The following ADAM2 variants were observed in gnomAD, a reference collection of about 807,000 sequenced individuals.
ADAM2 encodes disintegrin and metalloproteinase domain-containing protein 2.
In ADAM2, 101 loss-of-function variants were observed where a neutral mutation model predicts 99.3. That is an observed-to-expected ratio of 1.02 (90% CI 0.87 to 1.20). The LOEUF (loss-of-function observed/expected upper bound fraction) is 1.20, where lower values mean the gene tolerates loss of function less well. ADAM2 is among the 50% of genes most tolerant of loss of function. The pLI is 0.00. For synonymous variants in ADAM2, 323 were observed against 287.6 expected (o/e 1.12, Z -1.25); for missense variants, 948 against 878.7 (o/e 1.08, Z -1.00).
chr8:39,806,363 A>G (rs910046439), intron 7 of ADAM2, among the ~76,000 whole-genome samples: 2 of 151,934 alleles, frequency 1.3e-5, no homozygotes, highest in Non-Finnish European at 2.9e-5. Context: ...CAACAGAAGA[A>G]TAGAAACAAC....
chr8:39,771,193 A>G (rs2129584345), intron 11 of ADAM2, among the ~76,000 whole-genome samples: 1 of 152,316 alleles, frequency 6.6e-6, no homozygotes, highest in East Asian at 1.9e-4. Context: ...CTCTGCCTGG[A>G]AAACTATTCC....
intron 15 of ADAM2, among the ~76,000 whole-genome samples, chr8:39,757,104 G>A (rs183560585): frequency 1.3e-5 from 2 of 151,982 alleles, no homozygotes. Context: ...TACAGCAAAG[G>A]TCTATTTCCT....
intron 3 of ADAM2, among the ~76,000 whole-genome samples, chr8:39,832,879 C>T (rs1805673852): frequency 6.6e-6 from 1 of 151,938 alleles, no homozygotes; most frequent in Non-Finnish European, 1.5e-5. Context: ...ATTACATCAC[C>T]ATAAATTGTA....
chr8:39,786,168 G>A (rs1467667776), intron 10 of ADAM2, among the ~76,000 whole-genome samples: 1 of 152,174 alleles, frequency 6.6e-6, no homozygotes, highest in East Asian at 1.9e-4. Context: ...GGTGGAGGAA[G>A]GGTTGAAAAA....
intron 15 of ADAM2, among the ~76,000 whole-genome samples, chr8:39,760,156 C>G (rs1378943674): frequency 6.6e-6 from 1 of 152,024 alleles, no homozygotes; most frequent in Non-Finnish European, 1.5e-5. Context: ...TATGAGCTAC[C>G]CCGCCCGGTC....
At chr8:39,816,483 T>C (rs1379053381) in intron 6 of ADAM2, among the ~76,000 whole-genome samples, 3 of 152,130 alleles carry the variant, frequency 2.0e-5, no homozygotes, top group African/African-American at 7.2e-5. Flanking sequence ...AATAAAAACA[T>C]ATATCCACAT....
At chr8:39,786,438 T>C (rs1473749911) in intron 10 of ADAM2, among the ~76,000 whole-genome samples, 2 of 152,126 alleles carry the variant, frequency 1.3e-5, no homozygotes, top group African/African-American at 2.4e-5. Flanking sequence ...GCAAGTTCTG[T>C]TTGTCAGAAT....
rs114877318 is a variant in ADAM2 at position 39,818,695 on chromosome 8, A to G, written c.513+2307T>C. On this transcript the variant is annotated intron_variant, in intron 6 of 20. Transcript: ENST00000265708. ...AAAAAGTCGTGGAGTTCAATAGAGA[A>G]CTAATAAACAAGTTTGTCAAGTTCA... 2.6e-3 allele frequency among the ~76,000 whole-genome samples: 403 copies of G among 152,172 alleles called. 1 individual carries two copies. The highest frequency in any genetic ancestry group is 9.3e-3 in the African/African-American group (385 of 41,576).
At chr8:39,824,919 G>A in intron 3 of ADAM2, 22 bp from the exon 4 acceptor site, 2 of 1,065,552 alleles carry the variant, frequency 1.9e-6, no homozygotes, top group African/African-American at 1.6e-5. Context: ...AGATAAAATG[G>A]AAAAATTTGA....
At chr8:39,784,975 G>A (rs894273316) in intron 10 of ADAM2, among the ~76,000 whole-genome samples, 4 of 152,054 alleles carry the variant, frequency 2.6e-5, no homozygotes, top group African/African-American at 9.7e-5. Context: ...TGTATAGTTT[G>A]TGCATATTTT....
intron 7 of ADAM2, among the ~76,000 whole-genome samples, chr8:39,798,388 C>T (rs1178845341): frequency 1.3e-5 from 2 of 152,146 alleles, no homozygotes; most frequent in Non-Finnish European, 2.9e-5. Context: ...AGGGATGAAG[C>T]TGGCTTGATT....
chr8:39,838,206 A>T lies in ADAM2; in HGVS notation c.-21T>A, dbSNP rs745646083. 5.0e-6 allele frequency: 8 copies of T among 1,613,996 alleles called. No individual in the cohort carries two copies. The highest frequency in any genetic ancestry group is 5.9e-6 in the Non-Finnish European group (7 of 1,179,998). ...CACATGGCTTGAAGTCCTGGGTCCC[A>T]GCCGGAATAATGGCAGTTGGTGGTT... On this transcript the variant is annotated 5_prime_UTR_variant, in exon 1 of 21. Transcript: ENST00000265708.
chr8:39,750,151 T>C (rs1823669333), intron 16 of ADAM2, among the ~76,000 whole-genome samples: 1 of 152,078 alleles, frequency 6.6e-6, no homozygotes, highest in Non-Finnish European at 1.5e-5. Context: ...AGGACTTAAT[T>C]AGTATAGAAA....
rs143527314 is a variant in ADAM2, at chr8:39,788,702, T to A, written c.609A>T (p.Gln203His). 1 of 1,582,726 alleles carries A rather than the reference T, an allele frequency of 6.3e-7. No homozygotes were observed. The change falls in exon 8 of 21, where the codon CAA (glutamine) becomes CAT (histidine). Residue 203 changes from glutamine (Q) to histidine (H), a missense_variant. Coordinates refer to ENST00000265708, the MANE Select transcript of ADAM2 (RefSeq NM_001464.5). Reference protein sequence around the residue: ...HMGSDTTVVAQKVFQLIGLTN... With the variant: ...HMGSDTTVVAHKVFQLIGLTN... ...TCAATCCAATCAACTGGAAAACTTT[T>A]TGAGCGACAACAGTTGTATCAGACC...
intron 6 of ADAM2, among the ~76,000 whole-genome samples, chr8:39,812,140 C>T (rs1804728737): frequency 6.6e-6 from 1 of 152,128 alleles, no homozygotes; most frequent in Non-Finnish European, 1.5e-5. Context: ...AACAGACAAA[C>T]AGAGAGCCAA....
intron 14 of ADAM2, among the ~76,000 whole-genome samples, chr8:39,761,979 G>C (rs980327260): frequency 5.3e-5 from 8 of 152,196 alleles, no homozygotes; most frequent in Admixed American, 2.0e-4. Context: ...AGCTACTTGG[G>C]AGGCTGAGGC....
chr8:39,788,235 T>G lies in ADAM2; in HGVS notation c.659A>C (p.Asn220Thr), dbSNP rs1803559428. ...CAATGAAGACAGAATAATTGTAATA[T>G]TAAATGAAACAAAAATCTAAAATAG... ...GLTNAIFVSFNITIILSSLEL... is the reference protein window; with the variant it reads ...GLTNAIFVSFTITIILSSLEL... The change falls in exon 9 of 21, where the codon AAT becomes ACT. Residue 220 changes from asparagine (N) to threonine (T), a missense_variant. By Grantham distance (65) the Asn-to-Thr change is moderately conservative. Transcript: ENST00000265708. The G allele has an allele frequency of 6.6e-7, 1 of 1,519,898 alleles. No homozygotes were observed. Among genetic ancestry groups the G allele is most frequent in the Non-Finnish European group, 8.8e-7 (1 of 1,132,174 alleles). 94.2% of individuals were successfully genotyped at this position (1,519,898 alleles called of 1,614,324 possible). A position where few individuals can be genotyped will look rare whatever the true frequency, so the allele number is the denominator to read the frequency against.
chr8:39,837,441 C>T (rs576226907), intron 1 of ADAM2, among the ~76,000 whole-genome samples: 10 of 151,372 alleles, frequency 6.6e-5, no homozygotes, highest in Non-Finnish European at 1.3e-4. Context: ...GGCTGGAGTG[C>T]AGTGGTGAGA....
chr8:39,784,519 C>A (rs1051085070), intron 10 of ADAM2, among the ~76,000 whole-genome samples: 1 of 152,068 alleles, frequency 6.6e-6, no homozygotes, highest in Non-Finnish European at 1.5e-5. Flanking sequence ...CAGGGGCCTT[C>A]CACCATGCCT....
Sources: allele counts gnomAD v4.1 joint callset (sites outside exome capture counted in the v4.1 genomes callset), GRCh38; gene constraint gnomAD v4.1.1; transcripts MANE v1.5; gene names NCBI Gene and HGNC (gene_info 2026-07-23, HGNC 2026-07-21).